AKAP12: variants seen among roughly 807,000 people sequenced by gnomAD.
AKAP12 encodes the protein A-kinase anchoring protein 12.
In AKAP12, 32 loss-of-function variants were observed where a neutral mutation model predicts 79.9. The ratio of observed to expected loss-of-function variants is 0.40; its 90% CI spans 0.30 to 0.54. The LOEUF (loss-of-function observed/expected upper bound fraction) is 0.54, where lower values mean the gene tolerates loss of function less well. Ranked by LOEUF, AKAP12 falls within the 20% of genes least tolerant of loss-of-function variation. The pLI is 0.48. For synonymous variants in AKAP12, 808 were observed against 857.0 expected, an observed-to-expected ratio of 0.94 and a Z score of 1.00; for missense variants, 2,074 against 2,177.0, an observed-to-expected ratio of 0.95 and a Z score of 0.94.
At chr6:151,306,077 A>T (rs1427746686) in intron 3 of AKAP12, among the ~76,000 whole-genome samples, 174 bp downstream of exon 3, 1 of 152,202 alleles carries the variant, frequency 6.6e-6, no homozygotes, top group Non-Finnish European at 1.5e-5. Context: ...CTATACTTAG[A>T]CCTTGAAGTT....
At chr6:151,345,893 ATATGTGTGTGTGTG>A (rs1287242921) in intron 3 of AKAP12, among the ~76,000 whole-genome samples, 2 of 82,354 alleles carry the variant, frequency 2.4e-5, no homozygotes, top group Non-Finnish European at 5.3e-5. Context: ...ATGTGTGTGT[ATATGTGTGTGTGTG>A]TGTGTGTGTG....
intron 3 of AKAP12, among the ~76,000 whole-genome samples, chr6:151,327,118 A>ATTTTT (rs71922297): frequency 1.8e-4 from 25 of 141,044 alleles, no homozygotes; most frequent in African/African-American, 5.4e-4. Flanking sequence ...CCTGGCCTAC[A>ATTTTT]TTTTTTTTTT....
At chr6:151,326,264 G>A (rs1270347429) in intron 3 of AKAP12, among the ~76,000 whole-genome samples, 1 of 152,180 alleles carries the variant, frequency 6.6e-6, no homozygotes, top group Non-Finnish European at 1.5e-5. Context: ...AAAATAAGCT[G>A]TGAAAGCTTA....
chr6:151,272,183 A>G (rs1776196299), intron 2 of AKAP12, among the ~76,000 whole-genome samples: 1 of 151,960 alleles, frequency 6.6e-6, no homozygotes, highest in Non-Finnish European at 1.5e-5. Flanking sequence ...CTATAAAAAT[A>G]AAATACAAGA....
chr6:151,286,281 C>G (rs1776502872), intron 2 of AKAP12, among the ~76,000 whole-genome samples: 1 of 152,206 alleles, frequency 6.6e-6, no homozygotes, highest in South Asian at 2.1e-4. Context: ...GGAATGGCAT[C>G]AGGCTGAAAG....
chr6:151,343,976 G>A (rs1778016514), intron 3 of AKAP12: 1 of 446,316 alleles, frequency 2.2e-6, no homozygotes, highest in African/African-American at 2.1e-5. Context: ...CTAAAATGTA[G>A]AAGTAGTTTA....
intron 2 of AKAP12, among the ~76,000 whole-genome samples, chr6:151,253,057 A>AT (rs377017979): frequency 7.9e-5 from 12 of 152,188 alleles, no homozygotes; most frequent in Non-Finnish European, 1.2e-4. Context: ...TGAGCCTATG[A>AT]TTTTTTTATT....
intron 2 of AKAP12, among the ~76,000 whole-genome samples, chr6:151,268,957 T>TG (rs1776116903): frequency 1.6e-5 from 2 of 125,070 alleles, no homozygotes; most frequent in Non-Finnish European, 3.5e-5. Flanking sequence ...TTTTTTTTTT[T>TG]TTTTTTTTTT....
chr6:151,351,022 C>T lies in AKAP12; in HGVS notation c.2631C>T (p.Ala877=), dbSNP rs374559661. ...CAGAGCAGCCCGAGCAGAAGGCAGC[C>T]ACTGAGGTGTCCAAGGAGCTCAGCG... ...KSAEQPEQKA[A]TEVSKELSES... Residue 877 remains alanine, a synonymous_variant, in exon 4 of 5, where the codon GCC becomes GCT. Coordinates refer to ENST00000402676, the MANE Select transcript of AKAP12 (RefSeq NM_005100.4). The surrounding 1 kb of genome is among the most constrained non-coding windows in gnomAD (Gnocchi z 4.4). 4 of 1,613,916 alleles carry T rather than the reference C, an allele frequency of 2.5e-6. No individual in the cohort carries two copies. In the African/African-American group the frequency reaches 5.3e-5, roughly 22 times the overall value.
chr6:151,313,026 G>A (rs1777153017), intron 3 of AKAP12, among the ~76,000 whole-genome samples: 1 of 152,188 alleles, frequency 6.6e-6, no homozygotes. Flanking sequence ...TAGGTGAGGA[G>A]GAGCTGTTGG....
At chr6:151,316,828 A>C (rs1415861199) in intron 3 of AKAP12, among the ~76,000 whole-genome samples, 2 of 151,306 alleles carry the variant, frequency 1.3e-5, no homozygotes, top group Non-Finnish European at 2.9e-5. Context: ...ACGGGGTTCT[A>C]CTCTTCACCA....
At position 151,353,845 on chromosome 6, in the gene AKAP12, C is replaced by T. The variant is rs1431783351; in HGVS notation, c.*12+93C>T. On this transcript the variant is annotated intron_variant, in intron 4 of 4. Coordinates refer to ENST00000402676, the MANE Select transcript of AKAP12 (RefSeq NM_005100.4). Reference sequence around the variant, plus strand: ...AGGAATCGGGAGCAAATAATTAATGCCTTCGTGTAGAACCTTCAGTTGAGG... The same window carrying T: ...AGGAATCGGGAGCAAATAATTAATGTCTTCGTGTAGAACCTTCAGTTGAGG... 1.0e-5 allele frequency: 8 copies of T among 800,940 alleles called. No homozygotes were observed. In the East Asian group the frequency reaches 1.6e-4, roughly 16 times the overall value. 49.6% of individuals were successfully genotyped at this position (800,940 alleles called of 1,614,324 possible).
chr6:151,286,217 A>G (rs552822714), intron 2 of AKAP12, among the ~76,000 whole-genome samples: 32 of 152,312 alleles, frequency 2.1e-4, no homozygotes, highest in Admixed American at 1.1e-3. Context: ...TGAGTCATTG[A>G]TGGGACACTT....
At chr6:151,305,654 T>C in intron 2 of AKAP12, 93 bp from the exon 3 acceptor site, 1 of 1,258,982 alleles carries the variant, frequency 7.9e-7, no homozygotes. Flanking sequence ...GTATTTCTTC[T>C]TTCACTGGTT....
intron 2 of AKAP12, among the ~76,000 whole-genome samples, chr6:151,252,911 A>T (rs1394370007): frequency 1.3e-5 from 2 of 152,200 alleles, no homozygotes; most frequent in Non-Finnish European, 2.9e-5. Flanking sequence ...TTGTAGGCAA[A>T]GAAATGAGGT....
chr6:151,293,969 A>C (rs1787129305), intron 2 of AKAP12, among the ~76,000 whole-genome samples: 1 of 149,508 alleles, frequency 6.7e-6, no homozygotes, highest in Non-Finnish European at 1.5e-5. Context: ...TCAACCTTGG[A>C]GTTCTTCTTC....
chr6:151,270,593 T>G (rs1044134416), intron 2 of AKAP12, among the ~76,000 whole-genome samples: 3 of 152,216 alleles, frequency 2.0e-5, no homozygotes, highest in Non-Finnish European at 4.4e-5. Flanking sequence ...TTTAACCTCT[T>G]GAGGAACTGG....
intron 2 of AKAP12, among the ~76,000 whole-genome samples, chr6:151,303,908 C>T (rs778958540): frequency 4.6e-5 from 7 of 152,084 alleles, no homozygotes; most frequent in African/African-American, 7.2e-5. Flanking sequence ...AACAGAAAAA[C>T]GCTGGAAATA....
At chr6:151,332,907 G>A (rs141535008) in intron 3 of AKAP12, among the ~76,000 whole-genome samples, 302 of 152,282 alleles carry the variant, frequency 2.0e-3, no homozygotes, top group African/African-American at 7.1e-3. Context: ...TCTGGGCATG[G>A]GAGAGACTTG....
Sources: gnomAD v4.1 joint callset for allele counts (sites outside exome capture counted in the v4.1 genomes callset) on GRCh38, gnomAD v4.1.1 for gene constraint, Gnocchi (gnomAD v3.1) non-coding constraint, MANE v1.5 for transcripts, NCBI Gene and HGNC (gene_info 2026-07-23, HGNC 2026-07-21) for gene names.